The following RLIG1 variants were observed in gnomAD, a reference collection of about 807,000 sequenced individuals.
RLIG1 encodes the protein RNA ligase 1.
chr12:88,047,179 C>T, the RLIG1 span, among the ~76,000 whole-genome samples: 1 of 152,072 alleles, frequency 6.6e-6, no homozygotes, highest in Non-Finnish European at 1.5e-5. Flanking sequence ...TCGATCATAA[C>T]AGGTGTGCTT....
At chr12:88,035,771 C>G in the RLIG1 span, 2 of 1,562,642 alleles carry the variant, frequency 1.3e-6, no homozygotes, top group African/African-American at 1.4e-5. Context: ...CTTGGCGGCC[C>G]GCGTGGGCTC....
chr12:88,042,864 A>G, the RLIG1 span: 4 of 1,567,840 alleles, frequency 2.6e-6, no homozygotes, highest in Non-Finnish European at 3.4e-6. Flanking sequence ...AGAAAACCCA[A>G]CAAACAAGCT....
the RLIG1 span, among the ~76,000 whole-genome samples, chr12:88,041,197 T>C: frequency 6.6e-6 from 1 of 152,148 alleles, no homozygotes; most frequent in African/African-American, 2.4e-5. Flanking sequence ...AATCATACAG[T>C]GTTTATTTTT....
At chr12:88,046,538 A>G in the RLIG1 span, among the ~76,000 whole-genome samples, 3 of 76,206 alleles carry the variant, frequency 3.9e-5, no homozygotes, top group Non-Finnish European at 9.1e-5. Flanking sequence ...GGCTGTGTTC[A>G]TGGAAAACTA....
At chr12:88,048,210 C>CTAA in the RLIG1 span, 4 of 1,508,268 alleles carry the variant, frequency 2.7e-6, no homozygotes, top group Non-Finnish European at 3.5e-6. Flanking sequence ...TATGCTAAAG[C>CTAA]TAATACCTTT....
chr12:88,040,123 G>C, the RLIG1 span: 1 of 1,356,262 alleles, frequency 7.4e-7, no homozygotes, highest in East Asian at 2.3e-5. Context: ...ATCTTAAACC[G>C]GTTTTCTCTC....
chr12:88,037,643 T>G, the RLIG1 span, among the ~76,000 whole-genome samples: 1 of 152,214 alleles, frequency 6.6e-6, no homozygotes, highest in Non-Finnish European at 1.5e-5. Flanking sequence ...ACCAGTTGTA[T>G]TTTTAAAGTA....
the RLIG1 span, chr12:88,048,467 T>G: frequency 9.5e-6 from 9 of 951,546 alleles, no homozygotes; most frequent in Admixed American, 3.4e-5. Context: ...ATCTTGAATA[T>G]TCTACCATAT....
At chr12:88,047,119 C>T in the RLIG1 span, 1 of 810,692 alleles carries the variant, frequency 1.2e-6, no homozygotes. Context: ...CATGTACCAC[C>T]ATTTTTTAAG....
the RLIG1 span, chr12:88,045,867 T>G: frequency 1.0e-6 from 1 of 991,888 alleles, no homozygotes; most frequent in Non-Finnish European, 1.5e-6. Context: ...ATACACACAC[T>G]AAAGAAATGA....
chr12:88,047,565 G>A, the RLIG1 span, among the ~76,000 whole-genome samples: 1 of 151,934 alleles, frequency 6.6e-6, no homozygotes, highest in Non-Finnish European at 1.5e-5. Flanking sequence ...TCTAATCTAT[G>A]TACTTCTTCC....
At chr12:88,046,699 C>A in the RLIG1 span, 11 of 1,043,936 alleles carry the variant, frequency 1.1e-5, 1 homozygote, top group South Asian at 1.8e-4. Flanking sequence ...ACCAGCCTTT[C>A]TACCTTTATT....
the RLIG1 span, chr12:88,046,812 G>A: frequency 1.2e-6 from 2 of 1,605,722 alleles, no homozygotes; most frequent in Non-Finnish European, 1.7e-6. Flanking sequence ...CTTAGGGTTA[G>A]GGAGCAAGAA....
chr12:88,048,532 A>G, the RLIG1 span: 4 of 680,966 alleles, frequency 5.9e-6, no homozygotes, highest in Non-Finnish European at 8.7e-6. Flanking sequence ...GTTTTCTACC[A>G]TTTGTGAAGA....
chr12:88,040,204 A>G, the RLIG1 span: 251 of 1,611,092 alleles, frequency 1.6e-4, no homozygotes, highest in Non-Finnish European at 2.0e-4. Context: ...ATGCAGATAT[A>G]TACAGTGCAA....
chr12:88,036,986 C>G, the RLIG1 span, among the ~76,000 whole-genome samples: 1 of 152,286 alleles, frequency 6.6e-6, no homozygotes, highest in Middle Eastern at 3.4e-3. Flanking sequence ...AGCCCCTTCT[C>G]TTACCTCTCT....
the RLIG1 span, chr12:88,049,143 G>GTT: frequency 8.2e-7 from 1 of 1,214,030 alleles, no homozygotes; most frequent in East Asian, 2.4e-5. Context: ...AACTTATAAA[G>GTT]TTAATAAATA....
the RLIG1 span, among the ~76,000 whole-genome samples, chr12:88,039,710 A>T: frequency 6.6e-6 from 1 of 152,138 alleles, no homozygotes. Flanking sequence ...CATAGCTAAC[A>T]TTATATTATG....
chr12:88,040,225 A>C, the RLIG1 span: 2 of 1,608,794 alleles, frequency 1.2e-6, no homozygotes, highest in Non-Finnish European at 1.7e-6. Flanking sequence ...TTCCAACAGA[A>C]AAAGTGGATG....
Sources: allele counts gnomAD v4.1 joint callset (sites outside exome capture counted in the v4.1 genomes callset), GRCh38; gene constraint gnomAD v4.1.1; transcripts MANE v1.5; gene names NCBI Gene and HGNC (gene_info 2026-07-23, HGNC 2026-07-21).